Variants in GRM1 observed in about 807,000 individuals in gnomAD.
GRM1 encodes the protein glutamate metabotropic receptor 1, also known as metabotropic glutamate receptor 1.
GRM1 carries 33 observed loss-of-function variants against 90.9 expected under a neutral mutation model. The ratio of observed to expected loss-of-function variants is 0.36; its 90% CI spans 0.28 to 0.49. GRM1 has a LOEUF of 0.49. Among genes scored for constraint, GRM1 ranks in the 20% least tolerant of loss-of-function variants. The pLI is 0.99. For synonymous variants in GRM1, 700 were observed against 613.2 expected (o/e 1.14, Z -2.09); for missense variants, 1,190 against 1,534.3 (o/e 0.78, Z 3.75).
intron 2 of GRM1, among the ~76,000 whole-genome samples, chr6:146,187,626 C>G (rs773607588): frequency 2.4e-4 from 37 of 151,912 alleles, no homozygotes; most frequent in Non-Finnish European, 4.6e-4. Flanking sequence ...ACATATTTCA[C>G]GGACAACAAC....
chr6:146,349,788 C>T (rs954556945), intron 3 of GRM1, among the ~76,000 whole-genome samples: 20 of 152,192 alleles, frequency 1.3e-4, no homozygotes, highest in African/African-American at 3.9e-4. Flanking sequence ...AATTACATAA[C>T]TGTGAAATTA....
intron 2 of GRM1, among the ~76,000 whole-genome samples, chr6:146,279,035 A>G (rs552509687): frequency 1.3e-5 from 2 of 152,248 alleles, no homozygotes; most frequent in African/African-American, 4.8e-5. Flanking sequence ...ATTCATTTTT[A>G]TTAACAGATA....
intron 2 of GRM1, among the ~76,000 whole-genome samples, chr6:146,241,010 G>T (rs1405600293): frequency 6.6e-6 from 1 of 152,072 alleles, no homozygotes; most frequent in Admixed American, 6.6e-5. Context: ...AAACCAGCCT[G>T]CAGGGTCTAC....
intron 5 of GRM1, among the ~76,000 whole-genome samples, chr6:146,381,295 G>T (rs1420519166): frequency 6.6e-6 from 1 of 152,192 alleles, no homozygotes; most frequent in African/African-American, 2.4e-5. Flanking sequence ...AGGCACTTAA[G>T]TTCAAACCCA....
chr6:146,085,336 C>T (rs1262754257), intron 1 of GRM1, among the ~76,000 whole-genome samples: 4 of 151,974 alleles, frequency 2.6e-5, no homozygotes, highest in Admixed American at 2.6e-4. Flanking sequence ...ATAAATGACA[C>T]AAAACAGTAA....
At chr6:146,153,574 T>TG (rs1026076770) in intron 1 of GRM1, among the ~76,000 whole-genome samples, 1 of 152,172 alleles carries the variant, frequency 6.6e-6, no homozygotes, top group African/African-American at 2.4e-5. Context: ...AGTTAAGAAT[T>TG]GCTGTTCAGA....
rs777761396 is a variant in GRM1 at position 146,401,943 on chromosome 6, A to AG, written c.2660+2246dup. ...AATGCTGAGTATTTCTCTCATGTCC[A>AG]GGCATTGCTGCAAGAGATTACCTTC... On this transcript the variant is annotated intron_variant, in intron 7 of 7. Coordinates refer to ENST00000282753, the MANE Select transcript of GRM1 (RefSeq NM_001278064.2). Among the ~76,000 whole-genome samples, 6 of 152,194 alleles carry AG rather than the reference A, an allele frequency of 3.9e-5. No homozygotes were observed. The East Asian group carries it at 1.2e-3, about 29-fold the overall frequency.
chr6:146,325,087 G>A (rs1784358068), intron 3 of GRM1, among the ~76,000 whole-genome samples: 1 of 152,150 alleles, frequency 6.6e-6, no homozygotes, highest in African/African-American at 2.4e-5. Flanking sequence ...GGAAGAGCTT[G>A]TCAACAAAAT....
At chr6:146,159,758 A>T (rs1777651317) in intron 2 of GRM1, 161 bp downstream of exon 2, 1 of 648,926 alleles carries the variant, frequency 1.5e-6, no homozygotes, top group Admixed American at 2.6e-5. Flanking sequence ...TTAGTTCTGG[A>T]TCTCACTGTT....
chr6:146,120,819 G>A (rs1236717315), intron 1 of GRM1, among the ~76,000 whole-genome samples: 2 of 152,040 alleles, frequency 1.3e-5, no homozygotes, highest in Non-Finnish European at 2.9e-5. Context: ...GCTTTTTGAT[G>A]GCTGCTGGAT....
intron 1 of GRM1, among the ~76,000 whole-genome samples, chr6:146,087,954 C>T (rs996500939): frequency 5.9e-5 from 9 of 152,078 alleles, no homozygotes; most frequent in African/African-American, 1.9e-4. Flanking sequence ...AGGATAAATA[C>T]CCAGAAGTGC....
intron 3 of GRM1, among the ~76,000 whole-genome samples, chr6:146,350,505 T>C (rs2115037748): frequency 6.6e-6 from 1 of 152,174 alleles, no homozygotes; most frequent in South Asian, 2.1e-4. Context: ...ATTTCTATGA[T>C]TCTAGTAGCT....
intron 2 of GRM1, among the ~76,000 whole-genome samples, chr6:146,223,152 C>T (rs917864468): frequency 3.3e-5 from 5 of 151,984 alleles, no homozygotes; most frequent in African/African-American, 4.8e-5. Flanking sequence ...GATGCCAATA[C>T]TCAGGTATTG....
At chr6:146,409,233 C>T (rs1014162450) in intron 7 of GRM1, among the ~76,000 whole-genome samples, 5 of 152,094 alleles carry the variant, frequency 3.3e-5, no homozygotes, top group East Asian at 1.9e-4. Flanking sequence ...TTCGTGAGCA[C>T]GCATGGTGAG....
intron 1 of GRM1, among the ~76,000 whole-genome samples, chr6:146,055,303 C>A (rs567721354): frequency 6.6e-5 from 10 of 151,934 alleles, no homozygotes; most frequent in Admixed American, 1.3e-4. Flanking sequence ...GTTCTGTGGC[C>A]CAACCTCTAG....
intron 2 of GRM1, among the ~76,000 whole-genome samples, chr6:146,181,822 T>G (rs999444269): frequency 4.6e-5 from 7 of 152,136 alleles, no homozygotes; most frequent in Non-Finnish European, 1.0e-4. Flanking sequence ...ATCAGAATGA[T>G]TAACAATGAA....
intron 1 of GRM1, among the ~76,000 whole-genome samples, chr6:146,075,803 C>CA (rs1776165012): frequency 6.6e-6 from 1 of 152,158 alleles, no homozygotes; most frequent in South Asian, 2.1e-4. Flanking sequence ...GTAGCTGCAT[C>CA]ACTGCAATCT....
chr6:146,401,095 A>G (rs904335061), intron 7 of GRM1, among the ~76,000 whole-genome samples: 1 of 152,110 alleles, frequency 6.6e-6, no homozygotes, highest in South Asian at 2.1e-4. Flanking sequence ...TTTACTTTCC[A>G]AGAAGCAACG....
rs1776649756 is a variant in GRM1, at chr6:146,389,736, C to T, written c.1729+2720C>T. On this transcript the variant is annotated intron_variant, in intron 6 of 7. Coordinates refer to ENST00000282753, the MANE Select transcript of GRM1 (RefSeq NM_001278064.2). ...CCCTTAGCTAATAACAACAGGCATG[C>T]AGCTGCGACTGGGTCATATATTCAG... 2.0e-5 allele frequency among the ~76,000 whole-genome samples: 3 copies of T among 152,124 alleles called. No homozygotes were observed. The South Asian group carries it at 6.2e-4, about 31-fold the overall frequency.
Sources: gnomAD v4.1 joint callset for allele counts (sites outside exome capture counted in the v4.1 genomes callset) on GRCh38, gnomAD v4.1.1 for gene constraint, MANE v1.5 for transcripts, NCBI Gene and HGNC (gene_info 2026-07-23, HGNC 2026-07-21) for gene names.